MIB1: variants seen among roughly 807,000 people sequenced by gnomAD.
MIB1 encodes E3 ubiquitin-protein ligase MIB1.
A neutral mutation model predicts 124.5 loss-of-function variants in MIB1; 278 were observed. That is an observed-to-expected ratio of 2.23 (90% confidence interval 2.02 to 2.47). The LOEUF (loss-of-function observed/expected upper bound fraction) is 2.47. Among genes scored for constraint, MIB1 ranks in the 30% most tolerant of loss-of-function variants. The pLI, the probability that MIB1 is intolerant of heterozygous loss-of-function variation, is 0.00. For synonymous variants in MIB1, 446 were observed against 429.4 expected (o/e 1.04, Z -0.48); for missense variants, 957 against 1,254.4 (o/e 0.76, Z 3.58).
intron 12 of MIB1, chr18:21,831,342 A>C (rs192282320): frequency 6.6e-6 from 1 of 150,612 alleles, no homozygotes; most frequent in Admixed American, 6.7e-5. Context: ...CCAGAGGTCA[A>C]GTCTGCAAGC....
intron 1 of MIB1, among the ~76,000 whole-genome samples, chr18:21,751,350 C>T (rs1167048876): frequency 6.6e-6 from 1 of 152,064 alleles, no homozygotes; most frequent in Admixed American, 6.6e-5. Flanking sequence ...GATCTTGGCT[C>T]ACTGCAGCCA....
intron 1 of MIB1, among the ~76,000 whole-genome samples, chr18:21,750,059 CAG>C (rs945685151): frequency 6.6e-6 from 1 of 151,722 alleles, no homozygotes; most frequent in African/African-American, 2.4e-5. Flanking sequence ...ATTTAACAAA[CAG>C]ATTGAAAAAT....
At chr18:21,844,824 G>A (rs908030881) in intron 15 of MIB1, among the ~76,000 whole-genome samples, 1 of 152,080 alleles carries the variant, frequency 6.6e-6, no homozygotes, top group African/African-American at 2.4e-5. Context: ...TTGATATTGA[G>A]CATCTTTTCA....
chr18:21,734,482 C>CTCTCTT, intron 1 of MIB1, among the ~76,000 whole-genome samples: 1 of 14,568 alleles, frequency 6.9e-5, no homozygotes, highest in Non-Finnish European at 1.5e-4. Flanking sequence ...CTCTCTTTCT[C>CTCTCTT]TCTCTCTCTC....
chr18:21,778,017 T>C, intron 4 of MIB1, 86 bp from the exon 5 acceptor site: 2 of 909,702 alleles, frequency 2.2e-6, no homozygotes, highest in Admixed American at 3.5e-5. Flanking sequence ...TTTGGGTATG[T>C]TCTGAATGAA....
At chr18:21,784,743 G>C (rs1314553555) in intron 6 of MIB1, among the ~76,000 whole-genome samples, 1 of 152,186 alleles carries the variant, frequency 6.6e-6, no homozygotes, top group African/African-American at 2.4e-5. Context: ...AGGGCCACTA[G>C]AGGGCTCGTT....
chr18:21,746,480 G>A (rs935063259), intron 1 of MIB1, among the ~76,000 whole-genome samples: 5 of 152,170 alleles, frequency 3.3e-5, no homozygotes, highest in Non-Finnish European at 7.4e-5. Context: ...TTTGTAGTGA[G>A]CAAGAAGATT....
At chr18:21,856,754 A>T (rs1742589600) in intron 18 of MIB1, among the ~76,000 whole-genome samples, 1 of 152,232 alleles carries the variant, frequency 6.6e-6, no homozygotes, top group Admixed American at 6.5e-5. Context: ...AAAGAAAATT[A>T]TCACGTAAGC....
intron 6 of MIB1, among the ~76,000 whole-genome samples, chr18:21,780,726 G>A (rs992711553): frequency 1.3e-5 from 2 of 152,086 alleles, no homozygotes; most frequent in East Asian, 3.9e-4. Flanking sequence ...GGGATTACAG[G>A]AATGAGCCAC....
intron 12 of MIB1, among the ~76,000 whole-genome samples, chr18:21,820,161 C>G (rs866620831): frequency 6.6e-6 from 1 of 152,144 alleles, no homozygotes; most frequent in Non-Finnish European, 1.5e-5. Flanking sequence ...GAGAAAGACT[C>G]CTTTTGGAGA....
intron 10 of MIB1, among the ~76,000 whole-genome samples, chr18:21,810,100 T>C (rs185866634): frequency 4.1e-4 from 63 of 152,212 alleles, no homozygotes; most frequent in Non-Finnish European, 1.0e-4. Flanking sequence ...AATTGAACAA[T>C]CTGTTAACAA....
In MIB1 at chr18:21,778,137, GTTCTT is replaced by G; in HGVS notation, c.673_677del (p.Ser225LeufsTer10). On this transcript the variant is annotated frameshift_variant, in exon 5 of 21. Coordinates refer to ENST00000261537, the MANE Select transcript of MIB1 (RefSeq NM_020774.4). LOFTEE classifies it high-confidence loss of function. ...AAATGTGTCCAGGATGCCAAGGGAG[GTTCTT>G]TCTACAGAGATCACTGCCCTGTGCT... 6.2e-7 allele frequency: 1 copy of G among 1,612,512 alleles called. No individual in the cohort carries two copies. Among genetic ancestry groups the G allele is most frequent in the Non-Finnish European group, 8.5e-7 (1 of 1,178,876 alleles).
intron 20 of MIB1, among the ~76,000 whole-genome samples, chr18:21,860,469 CAAT>C (rs2042267559): frequency 6.6e-6 from 1 of 151,908 alleles, no homozygotes; most frequent in Non-Finnish European, 1.5e-5. Context: ...ATAAAAGCAA[CAAT>C]AAGATAAAAA....
At chr18:21,808,686 T>C (rs1317174462) in intron 10 of MIB1, among the ~76,000 whole-genome samples, 1 of 152,188 alleles carries the variant, frequency 6.6e-6, no homozygotes, top group Non-Finnish European at 1.5e-5. Context: ...AGGATTACAT[T>C]CTGTTTCTTC....
In MIB1 at chr18:21,866,983, C is replaced by A. The variant is rs1003090326; in HGVS notation, c.*2317C>A. The stretch of plus-strand genomic sequence containing the variant: ...CTCCAACTCTCTGAATCTGCTACCT[C>A]TTATTATATGTCCCTTAGCAGTACT... On this transcript the variant is annotated 3_prime_UTR_variant, in exon 21 of 21. Transcript: ENST00000261537. 2 of 152,590 alleles carry A rather than the reference C, an allele frequency of 1.3e-5. No homozygotes were observed. Among genetic ancestry groups the A allele is most frequent in the Admixed American group, 6.6e-5 (1 of 15,262 alleles). 9.5% of individuals were successfully genotyped at this position (152,590 alleles called of 1,614,324 possible).
intron 6 of MIB1, among the ~76,000 whole-genome samples, chr18:21,788,792 G>A (rs1239512886): frequency 6.6e-6 from 1 of 152,130 alleles, no homozygotes; most frequent in Non-Finnish European, 1.5e-5. Context: ...ATTGATATAG[G>A]AACATCAGTT....
In MIB1 at chr18:21,814,322, T is replaced by C. The variant is rs2041805392; in HGVS notation, c.1480-1294T>C. Among the ~76,000 whole-genome samples, 3 of 152,266 alleles carry C rather than the reference T, an allele frequency of 2.0e-5. No individual in the cohort carries two copies. In the South Asian group the frequency reaches 6.2e-4, roughly 32 times the overall value. On this transcript the variant is annotated intron_variant, in intron 10 of 20. Coordinates refer to ENST00000261537, the MANE Select transcript of MIB1 (RefSeq NM_020774.4). ...ATGCTCATCACTTAACCAGTTTTAA[T>C]GTGTTGATAAATTGCTCCCCATTAA...
At chr18:21,802,037 A>AT (rs940720705) in intron 9 of MIB1, among the ~76,000 whole-genome samples, 2 of 151,928 alleles carry the variant, frequency 1.3e-5, no homozygotes, top group East Asian at 1.9e-4. Context: ...TAATATCTGA[A>AT]TTTTTTTTAA....
At chr18:21,841,732 G>A (rs1400689505) in intron 13 of MIB1, among the ~76,000 whole-genome samples, 3 of 152,028 alleles carry the variant, frequency 2.0e-5, no homozygotes, top group Non-Finnish European at 4.4e-5. Context: ...ATGTACCCAA[G>A]AGAACATAGG....
Sources: allele counts gnomAD v4.1 joint callset (sites outside exome capture counted in the v4.1 genomes callset), GRCh38; gene constraint gnomAD v4.1.1; transcripts MANE v1.5; gene names NCBI Gene and HGNC (gene_info 2026-07-23, HGNC 2026-07-21).